The following HOOK3 variants were observed in gnomAD, a reference collection of about 807,000 sequenced individuals.
HOOK3 encodes hook microtubule tethering protein 3, also known as protein Hook homolog 3.
Under a neutral mutation model 116.3 loss-of-function variants are expected in HOOK3, and 24 were observed. The observed-to-expected ratio is 0.21, with a 90% CI of 0.15 to 0.29. The LOEUF is 0.29. Among genes scored for constraint, HOOK3 ranks in the 10% least tolerant of loss-of-function variants. HOOK3 has a pLI of 1.00. For missense variants in HOOK3, 632 were observed against 830.2 expected, an observed-to-expected ratio of 0.76 and a Z score of 2.93; for synonymous variants, 275 against 283.0, an observed-to-expected ratio of 0.97 and a Z score of 0.28.
chr8:42,932,385 A>T (rs1259036212), intron 4 of HOOK3, among the ~76,000 whole-genome samples: 1 of 152,182 alleles, frequency 6.6e-6, no homozygotes, highest in Non-Finnish European at 1.5e-5. Context: ...TACGATAAAA[A>T]AGAATAGAAA....
In HOOK3 at chr8:43,021,124, A is replaced by C. The variant is rs1164339050; in HGVS notation, c.*2626A>C. 9.3e-5 allele frequency: 18 copies of C among 194,216 alleles called. No individual in the cohort carries two copies. In the East Asian group the frequency reaches 1.2e-3, roughly 13 times the overall value. 12.0% of individuals were successfully genotyped at this position (194,216 alleles called of 1,614,324 possible). A position where few individuals can be genotyped will look rare whatever the true frequency, so the allele number is the denominator to read the frequency against. ...CGCAAGAAAAAAAAAAAAAAAAAAAAAAAAAAAAACAGTCTGTGAACTACT... is the reference window on the plus strand; with the variant it reads ...CGCAAGAAAAAAAAAAAAAAAAAAACAAAAAAAAACAGTCTGTGAACTACT... On this transcript the variant is annotated 3_prime_UTR_variant, in exon 22 of 22. Coordinates refer to ENST00000307602, the MANE Select transcript of HOOK3 (RefSeq NM_032410.4).
chr8:42,994,464 A>G (rs778542414), intron 15 of HOOK3: 17 of 412,758 alleles, frequency 4.1e-5, no homozygotes, highest in South Asian at 2.6e-4. Context: ...CCCTCTTACT[A>G]CGGCTTTTGC....
chr8:42,962,807 T>C (rs1338474585), intron 8 of HOOK3, among the ~76,000 whole-genome samples: 64 of 147,288 alleles, frequency 4.3e-4, no homozygotes, highest in African/African-American at 1.5e-3. Context: ...TTTTTTTTTT[T>C]TTTTTTTTTT....
chr8:42,979,749 T>G (rs902970995), intron 13 of HOOK3, among the ~76,000 whole-genome samples: 1 of 152,196 alleles, frequency 6.6e-6, no homozygotes, highest in Non-Finnish European at 1.5e-5. Context: ...CTTTACCGTT[T>G]CTAGACCAAG....
chr8:42,933,474 G>C (rs1807908901), intron 4 of HOOK3, among the ~76,000 whole-genome samples: 1 of 152,130 alleles, frequency 6.6e-6, no homozygotes, highest in Admixed American at 6.6e-5. Context: ...CATTTCTGCA[G>C]CAAAACATAA....
At chr8:42,919,689 C>G (rs1807615296) in intron 2 of HOOK3, among the ~76,000 whole-genome samples, 1 of 152,208 alleles carries the variant, frequency 6.6e-6, no homozygotes, top group African/African-American at 2.4e-5. Flanking sequence ...GTCTGCAATC[C>G]CGGCACCTCG....
intron 17 of HOOK3, among the ~76,000 whole-genome samples, chr8:43,004,990 A>C (rs972163172): frequency 3.9e-5 from 6 of 151,984 alleles, no homozygotes; most frequent in Non-Finnish European, 8.8e-5. Context: ...GCAAATGTTC[A>C]CCAATTGGAA....
intron 14 of HOOK3, among the ~76,000 whole-genome samples, chr8:42,983,434 T>G (rs1808991274): frequency 6.6e-6 from 1 of 152,140 alleles, no homozygotes; most frequent in Non-Finnish European, 1.5e-5. Flanking sequence ...TCTTAACTAT[T>G]CTTCCCTCAA....
intron 13 of HOOK3, among the ~76,000 whole-genome samples, chr8:42,974,906 C>T (rs548684144): frequency 3.3e-5 from 5 of 152,314 alleles, no homozygotes; most frequent in South Asian, 2.1e-4. Flanking sequence ...CCTAAGGAAT[C>T]GCCTGGCAGT....
In HOOK3 at chr8:43,002,216, G is replaced by A. The variant is rs186749500; in HGVS notation, c.1655+75G>A. The A allele has an allele frequency of 5.3e-6, 6 of 1,125,806 alleles. No homozygotes were observed. In the East Asian group the frequency reaches 1.2e-4, roughly 22 times the overall value. 69.7% of individuals were successfully genotyped at this position (1,125,806 alleles called of 1,614,324 possible). ...GCTTTGTGTTAGGTAGTTACGGTGTGTCTGGGCGTTGGCACAGGTGGCCCT... is the reference window on the plus strand; with the variant it reads ...GCTTTGTGTTAGGTAGTTACGGTGTATCTGGGCGTTGGCACAGGTGGCCCT... On this transcript the variant is annotated intron_variant, in intron 17 of 21. Coordinates refer to ENST00000307602, the MANE Select transcript of HOOK3 (RefSeq NM_032410.4).
chr8:42,903,537 G>A (rs1402012402), intron 1 of HOOK3, among the ~76,000 whole-genome samples: 1 of 150,024 alleles, frequency 6.7e-6, no homozygotes, highest in Non-Finnish European at 1.5e-5. Context: ...GTAGAGACGG[G>A]GTTTCACCGT....
At chr8:42,906,088 A>G (rs1419628333) in intron 1 of HOOK3, 85 bp from the exon 2 acceptor site, 1 of 121,588 alleles carries the variant, frequency 8.2e-6, no homozygotes, top group East Asian at 2.0e-4. Context: ...CTCCGTCTCC[A>G]AAAAAAAAAA....
intron 13 of HOOK3, among the ~76,000 whole-genome samples, chr8:42,976,721 C>A (rs2130438103): frequency 6.6e-6 from 1 of 152,136 alleles, no homozygotes; most frequent in East Asian, 1.9e-4. Flanking sequence ...CACGGTGAAA[C>A]CCCGTCTCTA....
intron 5 of HOOK3, among the ~76,000 whole-genome samples, chr8:42,949,125 A>G (rs904697593): frequency 6.6e-6 from 1 of 152,092 alleles, no homozygotes; most frequent in Non-Finnish European, 1.5e-5. Flanking sequence ...TCATGGTAAG[A>G]CCCCTTCATA....
At chr8:42,980,071 T>C (rs1034112489) in intron 13 of HOOK3, among the ~76,000 whole-genome samples, 7 of 151,658 alleles carry the variant, frequency 4.6e-5, no homozygotes, top group Middle Eastern at 3.4e-3. Context: ...TCAAGTGATC[T>C]CCTGCCTCAG....
chr8:42,966,723 C>G (rs922360425), intron 10 of HOOK3, 110 bp downstream of exon 10: 1 of 1,158,316 alleles, frequency 8.6e-7, no homozygotes, highest in African/African-American at 1.5e-5. Context: ...GCTGGGATCC[C>G]GGGTCTACTG....
intron 5 of HOOK3, chr8:42,949,276 T>C (rs977700565): frequency 2.6e-5 from 4 of 152,228 alleles, no homozygotes; most frequent in African/African-American, 9.6e-5. Flanking sequence ...TGTTTTCAAG[T>C]TTGTCATTAC....
At chr8:43,014,170 C>T (rs1179207763) in intron 21 of HOOK3, among the ~76,000 whole-genome samples, 2 of 151,202 alleles carry the variant, frequency 1.3e-5, no homozygotes, top group Admixed American at 1.3e-4. Flanking sequence ...CTTGTAATCC[C>T]AGCTACTTGG....
At chr8:42,913,419 T>C (rs376488781) in intron 2 of HOOK3, among the ~76,000 whole-genome samples, 53 of 152,348 alleles carry the variant, frequency 3.5e-4, no homozygotes, top group African/African-American at 1.2e-3. Context: ...TTCTTTCATG[T>C]AGTATAATTT....
Sources: allele counts gnomAD v4.1 joint callset (sites outside exome capture counted in the v4.1 genomes callset), GRCh38; gene constraint gnomAD v4.1.1; transcripts MANE v1.5; gene names NCBI Gene and HGNC (gene_info 2026-07-23, HGNC 2026-07-21).